ZNF423: variants seen among roughly 807,000 people sequenced by gnomAD.
ZNF423 encodes Ebf-associated zinc finger protein.
ZNF423 carries 12 observed loss-of-function variants against 95.8 expected under a neutral mutation model. That is an observed-to-expected ratio of 0.13 (90% CI 0.08 to 0.20). The LOEUF is 0.20. Ranked by LOEUF, ZNF423 falls within the 10% of genes least tolerant of loss-of-function variation. ZNF423 has a pLI of 1.00. For synonymous variants in ZNF423, 749 were observed against 711.9 expected (o/e 1.05, Z -0.83); for missense variants, 1,316 against 1,737.1 (o/e 0.76, Z 4.31).
At chr16:49,717,296 T>G (rs1217800883) in intron 3 of ZNF423, among the ~76,000 whole-genome samples, 1 of 150,876 alleles carries the variant, frequency 6.6e-6, no homozygotes, top group Non-Finnish European at 1.5e-5. Context: ...ACCTTCACCA[T>G]CATAGGAACA....
intron 5 of ZNF423, among the ~76,000 whole-genome samples, chr16:49,588,222 G>T (rs1333094967): frequency 6.6e-6 from 1 of 152,204 alleles, no homozygotes; most frequent in Non-Finnish European, 1.5e-5. Context: ...AAGTTGTACT[G>T]GGGGTCAACT....
chr16:49,783,818 A>C (rs2143790934), intron 2 of ZNF423, among the ~76,000 whole-genome samples: 1 of 152,048 alleles, frequency 6.6e-6, no homozygotes, highest in South Asian at 2.1e-4. Context: ...AAAAATATAA[A>C]AATTAGCTGG....
At chr16:49,856,387 C>T (rs1220560097), upstream of ZNF423, among the ~76,000 whole-genome samples, 3 of 145,318 alleles carry the variant, frequency 2.1e-5, no homozygotes, top group East Asian at 4.1e-4. Flanking sequence ...GGGAGGAGAC[C>T]GGGAGGCGGT....
chr16:49,572,646 C>T (rs536173257), intron 5 of ZNF423, among the ~76,000 whole-genome samples: 72 of 152,224 alleles, frequency 4.7e-4, no homozygotes, highest in Admixed American at 1.0e-3. Flanking sequence ...TTGTGAGTAA[C>T]GGCACGAGTT....
chr16:49,543,631 G>T (rs1969333619), intron 5 of ZNF423, among the ~76,000 whole-genome samples: 1 of 152,204 alleles, frequency 6.6e-6, no homozygotes, highest in South Asian at 2.1e-4. Flanking sequence ...GGGAGGAATG[G>T]GGCGCCTGGC....
intron 3 of ZNF423, among the ~76,000 whole-genome samples, chr16:49,706,228 A>G (rs2143052794): frequency 1.3e-5 from 2 of 152,328 alleles, no homozygotes; most frequent in South Asian, 2.1e-4. Flanking sequence ...CTGACCCCTC[A>G]CCACTCCCCA....
At chr16:49,501,043 G>C (rs910922236) in intron 7 of ZNF423, among the ~76,000 whole-genome samples, 3 of 152,180 alleles carry the variant, frequency 2.0e-5, no homozygotes, top group Admixed American at 1.3e-4. Context: ...CTGTCAGCAG[G>C]GGTACCAATG....
intron 2 of ZNF423, among the ~76,000 whole-genome samples, chr16:49,785,407 A>G (rs1178509228): frequency 6.6e-6 from 1 of 152,214 alleles, no homozygotes. Context: ...GGACATGAAA[A>G]TGTTCTAAGT....
At chr16:49,664,933 T>C (rs1019619613) in intron 3 of ZNF423, among the ~76,000 whole-genome samples, 3 of 152,232 alleles carry the variant, frequency 2.0e-5, no homozygotes, top group Admixed American at 6.5e-5. Flanking sequence ...TGTGGGCACA[T>C]TGTACTCCCA....
intron 1 of ZNF423, among the ~76,000 whole-genome samples, chr16:49,814,208 G>T (rs1169061550): frequency 6.6e-6 from 1 of 151,042 alleles, no homozygotes; most frequent in African/African-American, 2.4e-5. Flanking sequence ...TCCAGACGGG[G>T]CCTGTAATAC....
intron 1 of ZNF423, among the ~76,000 whole-genome samples, chr16:49,829,993 C>G (rs187264333): frequency 6.4e-4 from 98 of 152,258 alleles, no homozygotes; most frequent in African/African-American, 2.3e-3. Context: ...TCAAACCTGG[C>G]CCCTGTCCGG....
At chr16:49,536,890 G>T (rs945333389) in intron 5 of ZNF423, among the ~76,000 whole-genome samples, 1 of 152,188 alleles carries the variant, frequency 6.6e-6, no homozygotes, top group African/African-American at 2.4e-5. Context: ...GAGGGCAGGG[G>T]CTCTCCCTGT....
chr16:49,768,510 A>T (rs1255545265), intron 2 of ZNF423, among the ~76,000 whole-genome samples: 1 of 152,122 alleles, frequency 6.6e-6, no homozygotes, highest in Non-Finnish European at 1.5e-5. Flanking sequence ...AAAGCAGTGG[A>T]CCTGCCTGGT....
At chr16:49,582,975 G>A (rs1286342454) in intron 5 of ZNF423, among the ~76,000 whole-genome samples, 1 of 152,162 alleles carries the variant, frequency 6.6e-6, no homozygotes, top group Non-Finnish European at 1.5e-5. Context: ...TTAATTTATT[G>A]TATGTATGGA....
At chr16:49,516,773 C>A (rs1364251579) in intron 7 of ZNF423, among the ~76,000 whole-genome samples, 1 of 152,108 alleles carries the variant, frequency 6.6e-6, no homozygotes, top group Non-Finnish European at 1.5e-5. Flanking sequence ...ATGATCCTAC[C>A]CCCAGCCACA....
chr16:49,716,012 G>C (rs1420648234), intron 3 of ZNF423, among the ~76,000 whole-genome samples: 1 of 152,044 alleles, frequency 6.6e-6, no homozygotes, highest in East Asian at 1.9e-4. Flanking sequence ...AATCAAGCAG[G>C]AGGAGGAGAA....
chr16:49,819,449 C>T (rs964450491), intron 1 of ZNF423, among the ~76,000 whole-genome samples: 1 of 151,618 alleles, frequency 6.6e-6, no homozygotes, highest in South Asian at 2.1e-4. Context: ...GGCTCATCCA[C>T]GAGTATCTTT....
chr16:49,763,565 A>G (rs1034508916), intron 2 of ZNF423, among the ~76,000 whole-genome samples: 7 of 152,092 alleles, frequency 4.6e-5, no homozygotes, highest in Non-Finnish European at 7.4e-5. Context: ...ATGTCCCTCC[A>G]AAGGCAGTCA....
At chr16:49,599,055 C>T (rs1159946248) in intron 5 of ZNF423, among the ~76,000 whole-genome samples, 1 of 152,218 alleles carries the variant, frequency 6.6e-6, no homozygotes, top group Admixed American at 6.5e-5. Context: ...GCACCCCGGG[C>T]TCAGCAGAAA....
Sources: allele counts gnomAD v4.1 joint callset (sites outside exome capture counted in the v4.1 genomes callset), GRCh38; gene constraint gnomAD v4.1.1; transcripts MANE v1.5; gene names NCBI Gene and HGNC (gene_info 2026-07-23, HGNC 2026-07-21).